Variants in GRIA4 observed in about 807,000 individuals in gnomAD.
GRIA4 encodes the protein glutamate ionotropic receptor AMPA type subunit 4.
GRIA4 carries 34 observed loss-of-function variants against 104.0 expected under a neutral mutation model. The observed-to-expected ratio is 0.33, with a 90% CI of 0.25 to 0.44. GRIA4 has a LOEUF of 0.44. Ranked by LOEUF, GRIA4 falls within the 20% of genes least tolerant of loss-of-function variation. The pLI, the probability that GRIA4 is intolerant of heterozygous loss-of-function variation, is 1.00. For synonymous variants in GRIA4, 386 were observed against 381.9 expected (o/e 1.01, Z -0.13); for missense variants, 750 against 1,096.5 (o/e 0.68, Z 4.46).
chr11:105,685,747 G>A (rs563277649), intron 3 of GRIA4, among the ~76,000 whole-genome samples: 84 of 152,168 alleles, frequency 5.5e-4, no homozygotes, highest in Non-Finnish European at 1.1e-3. Context: ...AAAATGCAGG[G>A]TATATTAGCA....
chr11:105,667,982 T>C (rs1952221109), intron 3 of GRIA4, among the ~76,000 whole-genome samples: 1 of 151,654 alleles, frequency 6.6e-6, no homozygotes, highest in Non-Finnish European at 1.5e-5. Flanking sequence ...CTTGTGCCCT[T>C]TGACTAACAT....
intron 3 of GRIA4, among the ~76,000 whole-genome samples, chr11:105,651,738 A>C (rs1282435796): frequency 6.6e-6 from 1 of 151,964 alleles, no homozygotes; most frequent in Middle Eastern, 3.4e-3. Flanking sequence ...ACTTTGGCTC[A>C]ATATATAGTA....
chr11:105,672,758 GTAC>G (rs1688515333), intron 3 of GRIA4, among the ~76,000 whole-genome samples: 1 of 152,052 alleles, frequency 6.6e-6, no homozygotes, highest in African/African-American at 2.4e-5. Context: ...TTACCTGCAA[GTAC>G]TGTAAGAAAT....
chr11:105,742,648 C>A (rs890807677), intron 3 of GRIA4, among the ~76,000 whole-genome samples: 1 of 151,740 alleles, frequency 6.6e-6, no homozygotes, highest in African/African-American at 2.4e-5. Context: ...TCTTGATACC[C>A]TTTAAAGTCA....
Position 105,972,918 on chromosome 11 carries a change from CAT to C in GRIA4, c.2409+891_2409+892del, listed in dbSNP as rs763265888. ...TTACTGGATATTCTAAGATATTAAA[CAT>C]GTGACTGCTTTAAATAGGAGAGCCT... is the stretch of plus-strand genomic sequence containing the variant. On this transcript the variant is annotated intron_variant, in intron 15 of 16. Coordinates refer to ENST00000282499, the MANE Select transcript of GRIA4 (RefSeq NM_000829.4). Among the ~76,000 whole-genome samples, 108 of 152,210 alleles carry C rather than the reference CAT, an allele frequency of 7.1e-4. 2 individuals carry two copies. The Middle Eastern group carries it at 0.01, about 14-fold the overall frequency.
intron 3 of GRIA4, among the ~76,000 whole-genome samples, chr11:105,651,426 G>T (rs1033152050): frequency 4.6e-5 from 7 of 152,212 alleles, no homozygotes; most frequent in Non-Finnish European, 1.0e-4. Context: ...CTTTGGTGAA[G>T]AAATGGAAGA....
In GRIA4 at chr11:105,898,356, G is replaced by C. The variant is rs1218641234; in HGVS notation, c.814G>C (p.Val272Leu). Residue 272 changes from valine (V) to leucine (L), a missense_variant, in exon 7 of 17, where the codon GTA (valine) becomes CTA (leucine). This residue lies in a region of GRIA4 where 410 missense variants were observed against 502.7 expected (regional missense o/e 0.82). Coordinates refer to ENST00000282499, the MANE Select transcript of GRIA4 (RefSeq NM_000829.4). ...FQLVDFNTPM[V>L]IKLMDRWKKL... ...GTTGGTGGATTTTAATACACCTATG[G>C]TAATCAAACTAATGGATCGCTGGAA... 1 of 1,581,658 alleles carries C rather than the reference G, an allele frequency of 6.3e-7. No individual in the cohort carries two copies. Among genetic ancestry groups the C allele is most frequent in the African/African-American group, 1.3e-5 (1 of 74,426 alleles).
intron 3 of GRIA4, among the ~76,000 whole-genome samples, chr11:105,657,581 T>C (rs938336488): frequency 5.9e-5 from 9 of 151,968 alleles, no homozygotes; most frequent in Non-Finnish European, 8.8e-5. Context: ...AGCTGGAGAA[T>C]AGATGCAGGG....
chr11:105,930,648 T>G (rs1352480719), intron 13 of GRIA4, among the ~76,000 whole-genome samples: 2 of 152,138 alleles, frequency 1.3e-5, no homozygotes, highest in African/African-American at 4.8e-5. Flanking sequence ...AGTTAAGTGA[T>G]CTCTATAAAT....
At chr11:105,784,015 C>A (rs1204104432) in intron 4 of GRIA4, among the ~76,000 whole-genome samples, 9 of 152,172 alleles carry the variant, frequency 5.9e-5, no homozygotes, top group African/African-American at 2.2e-4. Flanking sequence ...GACTTTGCTT[C>A]CTCTACATAT....
intron 4 of GRIA4, among the ~76,000 whole-genome samples, chr11:105,769,624 C>G (rs572765270): frequency 8.6e-5 from 13 of 151,970 alleles, no homozygotes; most frequent in African/African-American, 3.1e-4. Context: ...GCAGGGGGTA[C>G]CAAGAGTTAT....
At chr11:105,669,002 AC>A (rs1318967159) in intron 3 of GRIA4, among the ~76,000 whole-genome samples, 7 of 151,354 alleles carry the variant, frequency 4.6e-5, no homozygotes, top group African/African-American at 1.5e-4. Flanking sequence ...AAAACCCCTC[AC>A]CCCTCTGCCA....
At chr11:105,631,879 G>A (rs1186765151) in intron 3 of GRIA4, among the ~76,000 whole-genome samples, 1 of 152,108 alleles carries the variant, frequency 6.6e-6, no homozygotes, top group Non-Finnish European at 1.5e-5. Context: ...TTAATAAAGT[G>A]GAGTTTAATC....
intron 4 of GRIA4, among the ~76,000 whole-genome samples, chr11:105,758,248 AT>A (rs1940425082): frequency 6.6e-6 from 1 of 151,852 alleles, no homozygotes; most frequent in Non-Finnish European, 1.5e-5. Context: ...CCATCTCTTA[AT>A]TTTCTTTTTT....
chr11:105,661,586 C>T lies in GRIA4; in HGVS notation c.247+49152C>T, dbSNP rs938554408. 2.0e-5 allele frequency among the ~76,000 whole-genome samples: 3 copies of T among 151,618 alleles called. No homozygotes were observed. In the South Asian group the frequency reaches 6.2e-4, roughly 31 times the overall value. Reference sequence around the variant, plus strand: ...CATATTACATAAGAAAATGTTCATACCTTTAAAGAAATTCATGGTTAATTT... The same window carrying T: ...CATATTACATAAGAAAATGTTCATATCTTTAAAGAAATTCATGGTTAATTT... On this transcript the variant is annotated intron_variant, in intron 3 of 16. Transcript: ENST00000282499.
chr11:105,860,214 A>C (rs1449540189), intron 4 of GRIA4, among the ~76,000 whole-genome samples: 2 of 152,174 alleles, frequency 1.3e-5, no homozygotes, highest in African/African-American at 4.8e-5. Context: ...GATATCAGAT[A>C]ATTTATATTT....
At chr11:105,764,591 C>G (rs909705205) in intron 4 of GRIA4, among the ~76,000 whole-genome samples, 3 of 151,782 alleles carry the variant, frequency 2.0e-5, no homozygotes, top group African/African-American at 7.3e-5. Context: ...AGAAAGAGAC[C>G]CCCCTACTCC....
chr11:105,696,286 C>T (rs1953275949), intron 3 of GRIA4, among the ~76,000 whole-genome samples: 1 of 152,192 alleles, frequency 6.6e-6, no homozygotes, highest in South Asian at 2.1e-4. Flanking sequence ...TAGGACTTCT[C>T]AGTCTGTGTC....
chr11:105,666,780 G>A (rs1160908519), intron 3 of GRIA4, among the ~76,000 whole-genome samples: 2 of 151,614 alleles, frequency 1.3e-5, no homozygotes, highest in Non-Finnish European at 2.9e-5. Context: ...TGCCTTGCAT[G>A]AAACATTATT....
Sources: allele counts gnomAD v4.1 joint callset (sites outside exome capture counted in the v4.1 genomes callset), GRCh38; gene constraint gnomAD v4.1.1; regional missense constraint gnomAD v4.1.1; transcripts MANE v1.5; gene names NCBI Gene and HGNC (gene_info 2026-07-23, HGNC 2026-07-21).